Variants in SOX6 observed in about 807,000 individuals in gnomAD.
SOX6 encodes SRY-box transcription factor 6.
A neutral mutation model predicts 97.8 loss-of-function variants in SOX6; 11 were observed. That is an observed-to-expected ratio of 0.11 (90% CI 0.07 to 0.19). The LOEUF (loss-of-function observed/expected upper bound fraction) is 0.19, where lower values mean the gene tolerates loss of function less well. SOX6 is among the 10% of genes least tolerant of loss of function. The probability of loss-of-function intolerance (pLI) is 1.00; values close to 1 mark genes in which losing one functional copy is unlikely to be tolerated. For missense variants in SOX6, 810 were observed against 1,039.5 expected (o/e 0.78, Z 3.04); for synonymous variants, 360 against 371.4 (o/e 0.97, Z 0.35).
intron 3 of SOX6, among the ~76,000 whole-genome samples, chr11:16,615,872 A>AT (rs201093848): frequency 0.021 from 3,193 of 152,222 alleles, 41 homozygotes; most frequent in Non-Finnish European, 0.033. Context: ...GAATTTTGGA[A>AT]TTTTTTTGAA....
chr11:16,115,313 C>T lies in SOX6; in HGVS notation c.778-3390G>A, dbSNP rs552453377. Among the ~76,000 whole-genome samples the T allele has an allele frequency of 5.9e-5, 9 of 152,252 alleles. No individual in the cohort carries two copies. The South Asian group carries it at 1.9e-3, about 32-fold the overall frequency. Reference sequence around the variant, plus strand: ...CAAATTCTTAAACTCTACCCCATACCTACTGAATCAGAAAACTCTGGAATT... The same window carrying T: ...CAAATTCTTAAACTCTACCCCATACTTACTGAATCAGAAAACTCTGGAATT... On this transcript the variant is annotated intron_variant, in intron 6 of 15. Coordinates refer to ENST00000683767, the MANE Select transcript of SOX6 (RefSeq NM_001367873.1).
intron 3 of SOX6, among the ~76,000 whole-genome samples, chr11:16,682,178 A>C (rs987348130): frequency 6.6e-6 from 1 of 152,240 alleles, no homozygotes; most frequent in African/African-American, 2.4e-5. Context: ...ATTTTAGGCC[A>C]ATATCCCTGA....
At chr11:16,522,292 C>T (rs1383066984) in intron 4 of SOX6, among the ~76,000 whole-genome samples, 1 of 152,096 alleles carries the variant, frequency 6.6e-6, no homozygotes, top group Non-Finnish European at 1.5e-5. Context: ...TTGGCAGGAA[C>T]TCTACAACCC....
chr11:16,621,466 A>C (rs1848544571), intron 3 of SOX6, among the ~76,000 whole-genome samples: 2 of 152,206 alleles, frequency 1.3e-5, no homozygotes, highest in Non-Finnish European at 2.9e-5. Context: ...ATGTCACAAG[A>C]AAAATATACA....
chr11:16,527,580 A>G lies in SOX6; in HGVS notation n.610-51192T>C, dbSNP rs1032299381. Among the ~76,000 whole-genome samples, 3 of 152,082 alleles carry G rather than the reference A, an allele frequency of 2.0e-5. 1 individual carries two copies. The highest frequency in any genetic ancestry group is 4.1e-4 in the South Asian group (2 of 4,824). On this transcript the variant is annotated intron_variant and non_coding_transcript_variant, in intron 4 of 5. Transcript: ENST00000524520. ...TTTTGCCTCCCAATAGATGAAATAC[A>G]TTTCTTTGCCTCATCACCAGGCTTA...
chr11:16,179,335 C>G (rs1320351638), intron 6 of SOX6, among the ~76,000 whole-genome samples: 1 of 151,780 alleles, frequency 6.6e-6, no homozygotes, highest in Non-Finnish European at 1.5e-5. Flanking sequence ...GGGAAACATA[C>G]AGACTCACAA....
At chr11:16,402,976 G>T (rs1858600742) in intron 1 of SOX6, 4 of 704,172 alleles carry the variant, frequency 5.7e-6, no homozygotes, top group African/African-American at 1.8e-5. Context: ...CAAGTCCATT[G>T]TTCCCTCACA....
chr11:16,640,784 AT>A (rs1459643013), intron 3 of SOX6, among the ~76,000 whole-genome samples: 1 of 152,048 alleles, frequency 6.6e-6, no homozygotes, highest in Non-Finnish European at 1.5e-5. Flanking sequence ...TATTACATCT[AT>A]TTAATTCTTC....
chr11:16,380,738 C>A (rs1857787062), intron 1 of SOX6, among the ~76,000 whole-genome samples: 1 of 151,982 alleles, frequency 6.6e-6, no homozygotes, highest in Non-Finnish European at 1.5e-5. Flanking sequence ...ACATAAAAAG[C>A]AATCAAGCAA....
chr11:16,425,530 C>T (rs1015732798), intron 1 of SOX6, among the ~76,000 whole-genome samples: 12 of 152,282 alleles, frequency 7.9e-5, no homozygotes, highest in Middle Eastern at 3.4e-3. Flanking sequence ...CAAACTATCC[C>T]TGTTTACAGA....
At chr11:16,392,921 C>T (rs568864554) in intron 1 of SOX6, among the ~76,000 whole-genome samples, 6 of 152,196 alleles carry the variant, frequency 3.9e-5, no homozygotes, top group African/African-American at 1.4e-4. Flanking sequence ...AGGACATCTT[C>T]TCATAAACTT....
chr11:16,527,962 A>C (rs1861192010), intron 4 of SOX6, among the ~76,000 whole-genome samples: 1 of 152,166 alleles, frequency 6.6e-6, no homozygotes, highest in African/African-American at 2.4e-5. Flanking sequence ...TTAGTGACTT[A>C]CAAAAATAAA....
intron 1 of SOX6, among the ~76,000 whole-genome samples, chr11:16,455,231 C>T (rs1193176961): frequency 1.3e-5 from 2 of 151,992 alleles, no homozygotes; most frequent in African/African-American, 2.4e-5. Context: ...GTTTTATTGT[C>T]TGTGTCTTTC....
chr11:16,663,364 A>G (rs1847780574), intron 3 of SOX6, among the ~76,000 whole-genome samples: 1 of 152,118 alleles, frequency 6.6e-6, no homozygotes, highest in African/African-American at 2.4e-5. Flanking sequence ...CACTTTGTCA[A>G]CCAACCTGGA....
intron 4 of SOX6, among the ~76,000 whole-genome samples, chr11:16,203,846 T>C (rs1387343348): frequency 6.6e-6 from 1 of 152,074 alleles, no homozygotes; most frequent in Non-Finnish European, 1.5e-5. Context: ...TAAAAAACCA[T>C]GGTAGAAATT....
At chr11:16,336,847 T>C (rs1856477216) in intron 2 of SOX6, among the ~76,000 whole-genome samples, 1 of 152,188 alleles carries the variant, frequency 6.6e-6, no homozygotes, top group South Asian at 2.1e-4. Context: ...GTACTTATTA[T>C]ACACTCTGAC....
chr11:16,291,864 T>C (rs775361134), intron 3 of SOX6, among the ~76,000 whole-genome samples: 8 of 152,018 alleles, frequency 5.3e-5, no homozygotes, highest in African/African-American at 7.2e-5. Flanking sequence ...TTTATGAAAA[T>C]GGAAGGATTA....
intron 1 of SOX6, chr11:16,434,113 AG>A (rs1033445384): frequency 1.3e-5 from 2 of 152,158 alleles, no homozygotes; most frequent in African/African-American, 4.8e-5. Flanking sequence ...TATATTTTAA[AG>A]TAGGAAAACA....
intron 3 of SOX6, among the ~76,000 whole-genome samples, chr11:16,660,673 C>T (rs1847759234): frequency 6.6e-6 from 1 of 152,104 alleles, no homozygotes; most frequent in African/African-American, 2.4e-5. Flanking sequence ...AGAGGTGGGG[C>T]TCTTTAGGAG....
Sources: gnomAD v4.1 joint callset for allele counts (sites outside exome capture counted in the v4.1 genomes callset) on GRCh38, gnomAD v4.1.1 for gene constraint, MANE v1.5 for transcripts, NCBI Gene and HGNC (gene_info 2026-07-23, HGNC 2026-07-21) for gene names.